Variants in NOVA1 observed in about 807,000 individuals in gnomAD.
The protein encoded by NOVA1 is RNA-binding protein Nova-1.
Under a neutral mutation model 38.0 loss-of-function variants are expected in NOVA1, and 7 were observed. The ratio of observed to expected loss-of-function variants is 0.18; its 90% CI spans 0.10 to 0.35. The LOEUF is 0.35. Ranked by LOEUF, NOVA1 falls within the 10% of genes least tolerant of loss-of-function variation. The pLI, the probability that NOVA1 is intolerant of heterozygous loss-of-function variation, is 1.00. For missense variants in NOVA1, 460 were observed against 616.0 expected (o/e 0.75, Z 2.68); for synonymous variants, 270 against 232.5 (o/e 1.16, Z -1.47).
At chr14:26,517,302 C>T (rs1352708067) in intron 2 of NOVA1, among the ~76,000 whole-genome samples, 1 of 152,132 alleles carries the variant, frequency 6.6e-6, no homozygotes, top group Non-Finnish European at 1.5e-5. Context: ...CTCTTTTCCA[C>T]CTAACACCAT....
intron 2 of NOVA1, among the ~76,000 whole-genome samples, chr14:26,535,046 A>C (rs1889970588): frequency 6.6e-6 from 1 of 152,234 alleles, no homozygotes; most frequent in South Asian, 2.1e-4. Context: ...ACACAAAATT[A>C]ATGTTAATTG....
intron 2 of NOVA1, among the ~76,000 whole-genome samples, chr14:26,569,103 C>T (rs1031662404): frequency 5.9e-5 from 9 of 152,142 alleles, no homozygotes; most frequent in Admixed American, 3.9e-4. Flanking sequence ...ACTTAACAAA[C>T]ATTCACCAAA....
intron 1 of NOVA1, chr14:26,596,895 T>C (rs1894225935): frequency 8.5e-7 from 1 of 1,170,872 alleles, no homozygotes; most frequent in African/African-American, 1.6e-5. Flanking sequence ...ATTTATTTAT[T>C]TATTTTATCA....
rs117559390 is a variant in NOVA1 at position 26,514,187 on chromosome 14, T to G, written c.281-34044A>C. 5.2e-4 allele frequency among the ~76,000 whole-genome samples: 79 copies of G among 151,792 alleles called. 1 individual carries two copies. The East Asian group carries it at 0.014, about 27-fold the overall frequency. On this transcript the variant is annotated intron_variant, in intron 2 of 4. Coordinates refer to ENST00000539517, the MANE Select transcript of NOVA1 (RefSeq NM_002515.3). ...ATATCAAAATCATATAGTTAAAAAT[T>G]TATGTCAATGTAAGTATAGGCACAA...
At chr14:26,571,217 G>C (rs1892451089) in intron 2 of NOVA1, among the ~76,000 whole-genome samples, 1 of 151,822 alleles carries the variant, frequency 6.6e-6, no homozygotes, top group Non-Finnish European at 1.5e-5. Flanking sequence ...ACCCAGAAAA[G>C]AGAAAAAGGA....
At chr14:26,476,820 G>A (rs546793709) in intron 3 of NOVA1, among the ~76,000 whole-genome samples, 7 of 147,836 alleles carry the variant, frequency 4.7e-5, no homozygotes, top group South Asian at 4.2e-4. Flanking sequence ...GGGTTCAAGC[G>A]ATTCTCCTGC....
At chr14:26,463,144 T>A (rs1451919470) in intron 4 of NOVA1, among the ~76,000 whole-genome samples, 2 of 152,186 alleles carry the variant, frequency 1.3e-5, no homozygotes. Context: ...ATTTATTTAA[T>A]CACTCTCCTG....
chr14:26,496,584 A>T, intron 2 of NOVA1, among the ~76,000 whole-genome samples: 1 of 152,102 alleles, frequency 6.6e-6, no homozygotes, highest in Non-Finnish European at 1.5e-5. Flanking sequence ...TATGTCCTGA[A>T]TGGTAATGCC....
chr14:26,452,964 T>C (rs178228), intron 4 of NOVA1, among the ~76,000 whole-genome samples: 140,565 of 152,188 alleles, frequency 0.92, 65,750 homozygotes, highest in East Asian at 1. Context: ...GTATATAAGG[T>C]TATAAAGGAG....
chr14:26,492,314 A>G (rs930150542), intron 2 of NOVA1, among the ~76,000 whole-genome samples: 12 of 152,182 alleles, frequency 7.9e-5, no homozygotes, highest in African/African-American at 2.9e-4. Context: ...AAATAGAGAT[A>G]GTGGTACTTC....
chr14:26,575,800 A>G (rs565690752), intron 2 of NOVA1, among the ~76,000 whole-genome samples: 1 of 152,018 alleles, frequency 6.6e-6, no homozygotes, highest in African/African-American at 2.4e-5. Context: ...ATTTTATTAA[A>G]TCTATAACAA....
intron 2 of NOVA1, among the ~76,000 whole-genome samples, chr14:26,531,673 T>C (rs1165506863): frequency 6.6e-6 from 1 of 152,162 alleles, no homozygotes. Flanking sequence ...TTTCTTAATA[T>C]GCAAAAAGTA....
intron 2 of NOVA1, among the ~76,000 whole-genome samples, chr14:26,487,113 T>A (rs1453049149): frequency 6.6e-6 from 1 of 152,150 alleles, no homozygotes; most frequent in African/African-American, 2.4e-5. Flanking sequence ...GTATTTAAGA[T>A]AATGAGTCAG....
intron 2 of NOVA1, among the ~76,000 whole-genome samples, chr14:26,496,733 C>T (rs1471958500): frequency 4.6e-5 from 7 of 152,134 alleles, no homozygotes; most frequent in African/African-American, 7.2e-5. Context: ...TTTCCCAGCA[C>T]CATTTATTAA....
chr14:26,554,496 G>A (rs2138657161), intron 2 of NOVA1, among the ~76,000 whole-genome samples: 1 of 152,240 alleles, frequency 6.6e-6, no homozygotes, highest in South Asian at 2.1e-4. Context: ...TGAGTTATAG[G>A]TTGGCTATGA....
Position 26,597,480 on chromosome 14 carries a change from T to C in NOVA1, c.-44A>G. On this transcript the variant is annotated 5_prime_UTR_variant, in exon 1 of 5. Coordinates refer to ENST00000539517, the MANE Select transcript of NOVA1 (RefSeq NM_002515.3). ...TGCTACCGGGAGAAGGTTCTCCCTT[T>C]TGTTTTGGCTTTTTCTTTTCTTTTT... 7.9e-7 allele frequency: 1 copy of C among 1,267,758 alleles called. No individual in the cohort carries two copies. The highest frequency in any genetic ancestry group is 1.0e-6 in the Non-Finnish European group (1 of 998,708). The allele number at this position is 1,267,758 out of a possible 1,614,324, so 78.5% of individuals were successfully genotyped here. A position where few individuals can be genotyped will look rare whatever the true frequency, so the allele number is the denominator to read the frequency against.
chr14:26,482,004 A>AAAAC (rs1885506807), intron 2 of NOVA1, among the ~76,000 whole-genome samples: 1 of 150,748 alleles, frequency 6.6e-6, no homozygotes, highest in East Asian at 1.9e-4. Flanking sequence ...AAAAAAAAAA[A>AAAAC]AAAAAAAAAA....
chr14:26,447,646 C>T lies in NOVA1; in HGVS notation c.*313G>A, dbSNP rs1882185469. On this transcript the variant is annotated 3_prime_UTR_variant, in exon 5 of 5. Coordinates refer to ENST00000539517, the MANE Select transcript of NOVA1 (RefSeq NM_002515.3). ...CTAATACTGAAAACTATACGCATAT[C>T]CCTGTCTACATTCAATCATTAAACT... The T allele has an allele frequency of 2.8e-6, 1 of 361,630 alleles. No homozygotes were observed. Among genetic ancestry groups the T allele is most frequent in the African/African-American group, 2.1e-5 (1 of 48,550 alleles). The allele number at this position is 361,630 out of a possible 1,614,324, so 22.4% of individuals were successfully genotyped here. A position where few individuals can be genotyped will look rare whatever the true frequency, so the allele number is the denominator to read the frequency against.
At chr14:26,584,091 TC>T (rs1030798588) in intron 2 of NOVA1, among the ~76,000 whole-genome samples, 14 of 151,562 alleles carry the variant, frequency 9.2e-5, no homozygotes, top group Admixed American at 2.6e-4. Flanking sequence ...TTAAAGATCT[TC>T]CCCACATATA....
Sources: gnomAD v4.1 joint callset for allele counts (sites outside exome capture counted in the v4.1 genomes callset) on GRCh38, gnomAD v4.1.1 for gene constraint, MANE v1.5 for transcripts, NCBI Gene and HGNC (gene_info 2026-07-23, HGNC 2026-07-21) for gene names.